The following LNPEP variants were observed in gnomAD, a reference collection of about 807,000 sequenced individuals.
LNPEP encodes leucyl-cystinyl aminopeptidase.
LNPEP carries 64 observed loss-of-function variants against 120.6 expected under a neutral mutation model. The observed-to-expected ratio is 0.53, with a 90% confidence interval of 0.43 to 0.65. The LOEUF is 0.65. Among genes scored for constraint, LNPEP ranks in the 30% least tolerant of loss-of-function variants. The pLI, the probability that LNPEP is intolerant of heterozygous loss-of-function variation, is 0.00. For synonymous variants in LNPEP, 435 were observed against 425.4 expected, an observed-to-expected ratio of 1.02 and a Z score of -0.28; for missense variants, 1,057 against 1,200.0, an observed-to-expected ratio of 0.88 and a Z score of 1.76.
At chr5:96,937,915 T>C (rs1017333288) in intron 1 of LNPEP, 1 of 152,194 alleles carries the variant, frequency 6.6e-6, no homozygotes, top group African/African-American at 2.4e-5. Flanking sequence ...ATGTAGGAAA[T>C]TGGATTTCTG....
At chr5:97,027,852 C>T (rs760437983) in intron 17 of LNPEP, 38 bp downstream of exon 17, 4 of 1,222,518 alleles carry the variant, frequency 3.3e-6, no homozygotes, top group Admixed American at 3.4e-5. Flanking sequence ...GACTGGGCAA[C>T]CCTCCGCACA....
Position 96,979,608 on chromosome 5 carries a change from G to A in LNPEP, c.490G>A (p.Ala164Thr). 2 of 1,614,070 alleles carry A rather than the reference G, an allele frequency of 1.2e-6. No homozygotes were observed. Among genetic ancestry groups the A allele is most frequent in the South Asian group, 1.1e-5 (1 of 91,088 alleles). Residue 164 changes from alanine to threonine, a missense_variant, in exon 2 of 18, where the codon GCA becomes ACA. By Grantham distance (58) the Ala-to-Thr change is moderately conservative. Coordinates refer to ENST00000231368, the MANE Select transcript of LNPEP (RefSeq NM_005575.3). ...FATNGKLFPW[A>T]QIRLPTAVVP... Reference sequence around the variant, plus strand: ...AACAAATGGGAAATTGTTTCCATGGGCACAGATCAGGCTTCCCACTGCCGT... The same window carrying A: ...AACAAATGGGAAATTGTTTCCATGGACACAGATCAGGCTTCCCACTGCCGT...
At chr5:97,003,308 G>T in intron 8 of LNPEP, 107 bp from the exon 9 acceptor site, 1 of 651,816 alleles carries the variant, frequency 1.5e-6, no homozygotes, top group South Asian at 2.3e-5. Context: ...TTCTACATAT[G>T]AAAGTAAATT....
chr5:97,015,208 T>G, intron 13 of LNPEP, 113 bp downstream of exon 13: 1 of 603,144 alleles, frequency 1.7e-6, no homozygotes, highest in Non-Finnish European at 2.7e-6. Context: ...TCCATTTTCT[T>G]CACTTTCCTG....
intron 11 of LNPEP, 111 bp downstream of exon 11, chr5:97,006,626 A>C: frequency 1.5e-6 from 1 of 670,070 alleles, no homozygotes; most frequent in Non-Finnish European, 2.7e-6. Context: ...AACTGGTTTT[A>C]TGAGTTGCAT....
At chr5:96,996,551 T>C (rs1446057175) in intron 7 of LNPEP, 48 bp downstream of exon 7, 1 of 929,446 alleles carries the variant, frequency 1.1e-6, no homozygotes, top group Non-Finnish European at 1.8e-6. Flanking sequence ...GGAGGAAAAA[T>C]AGTCAAATCA....
intron 1 of LNPEP, among the ~76,000 whole-genome samples, chr5:96,974,329 C>G (rs1346736697): frequency 6.6e-6 from 1 of 152,064 alleles, no homozygotes; most frequent in Non-Finnish European, 1.5e-5. Context: ...TGTTTTGTGC[C>G]CATGCACATG....
chr5:97,022,449 G>A lies in LNPEP; in HGVS notation c.2526G>A (p.Leu842=). The change falls in exon 14 of 18, where the codon CTG becomes CTA. Residue 842 remains leucine, a synonymous_variant. Transcript: ENST00000231368. ...LGNCSTTAMK[L]FDDWMASNGT... ...ACTGCTCTACTACTGCCATGAAACT[G>A]TTTGATGACTGGATGGCATCCAATG... The A allele has an allele frequency of 6.2e-7, 1 of 1,613,978 alleles. No individual in the cohort carries two copies. Among genetic ancestry groups the A allele is most frequent in the South Asian group, 1.1e-5 (1 of 91,068 alleles).
chr5:96,999,255 T>G (rs1790588455), intron 8 of LNPEP, among the ~76,000 whole-genome samples: 1 of 152,210 alleles, frequency 6.6e-6, no homozygotes, highest in African/African-American at 2.4e-5. Flanking sequence ...AGGAAATTGC[T>G]GCTAAAGTCC....
intron 11 of LNPEP, chr5:97,010,934 A>T: frequency 1.0e-6 from 1 of 985,418 alleles, no homozygotes; most frequent in Non-Finnish European, 1.2e-6. Context: ...TCTTTAAATG[A>T]TAACTCTGTC....
chr5:96,953,307 A>G (rs1167030489), intron 1 of LNPEP, among the ~76,000 whole-genome samples: 1 of 147,556 alleles, frequency 6.8e-6, no homozygotes, highest in Non-Finnish European at 1.5e-5. Context: ...GCATTTTGTT[A>G]GTGTGAAAGT....
At chr5:97,002,813 A>C (rs1477041262) in intron 8 of LNPEP, among the ~76,000 whole-genome samples, 1 of 152,234 alleles carries the variant, frequency 6.6e-6, no homozygotes, top group Non-Finnish European at 1.5e-5. Context: ...AATGATGACA[A>C]GCACATCAAT....
rs146435257 is a variant in LNPEP at position 97,007,016 on chromosome 5, G to A, written c.2035+501G>A. On this transcript the variant is annotated intron_variant, in intron 11 of 17. Coordinates refer to ENST00000231368, the MANE Select transcript of LNPEP (RefSeq NM_005575.3). ...ATGGGGCATGAAACTATGATAGGAA[G>A]GGGGAGGGGAATAGTAAAATATAAA... Among the ~76,000 whole-genome samples, 6 of 152,244 alleles carry A rather than the reference G, an allele frequency of 3.9e-5. No homozygotes were observed. In the East Asian group the frequency reaches 1.2e-3, roughly 29 times the overall value.
At position 96,966,508 on chromosome 5, in the gene LNPEP, T is replaced by TTGTGTG. The variant is rs375861296; in HGVS notation, c.20-12590_20-12585dup. On this transcript the variant is annotated intron_variant, in intron 1 of 17. Coordinates refer to ENST00000231368, the MANE Select transcript of LNPEP (RefSeq NM_005575.3). ...GAGTGAGACTCTGTCTTACATATATTTGTGTGTGTGTGTGTGTGTGTGTGT... is the reference window on the plus strand; with the variant it reads ...GAGTGAGACTCTGTCTTACATATATTTGTGTGTGTGTGTGTGTGTGTGTGTGTGTGT... Among the ~76,000 whole-genome samples the TTGTGTG allele has an allele frequency of 5.5e-3, 732 of 133,450 alleles. 3 individuals carry two copies. The highest frequency in any genetic ancestry group is 0.011 in the Middle Eastern group (3 of 274). The allele number at this position is 133,450 out of a possible 152,430, so 87.5% of individuals were successfully genotyped here.
intron 11 of LNPEP, chr5:97,010,800 C>T (rs938038115): frequency 1.6e-5 from 16 of 985,334 alleles, no homozygotes; most frequent in Admixed American, 6.1e-5. Context: ...GCTTCATCCA[C>T]GTTTGAGCTG....
chr5:97,001,088 A>C (rs1182555716), intron 8 of LNPEP, among the ~76,000 whole-genome samples: 2 of 152,214 alleles, frequency 1.3e-5, no homozygotes, highest in East Asian at 3.8e-4. Flanking sequence ...TTGATCAGGA[A>C]AGTACCGTGA....
At chr5:96,937,381 T>C (rs1292441894) in intron 1 of LNPEP, 3 of 152,246 alleles carry the variant, frequency 2.0e-5, no homozygotes, top group Non-Finnish European at 2.9e-5. Flanking sequence ...CTGCACTGTT[T>C]AATTAGGCTT....
At chr5:97,011,054 T>C in intron 11 of LNPEP, 1 of 985,442 alleles carries the variant, frequency 1.0e-6, no homozygotes, top group East Asian at 1.1e-4. Flanking sequence ...TGGACTTGGC[T>C]AGGTTTACAA....
intron 2 of LNPEP, among the ~76,000 whole-genome samples, chr5:96,984,523 TAAA>T (rs1790197188): frequency 6.6e-6 from 1 of 152,174 alleles, no homozygotes; most frequent in African/African-American, 2.4e-5. Flanking sequence ...GACCCTCCAA[TAAA>T]ACTTATTTAA....
Sources: allele counts gnomAD v4.1 joint callset (sites outside exome capture counted in the v4.1 genomes callset), GRCh38; gene constraint gnomAD v4.1.1; transcripts MANE v1.5; gene names NCBI Gene and HGNC (gene_info 2026-07-23, HGNC 2026-07-21).